Variants in GPT2 observed in about 807,000 individuals in gnomAD.
GPT2 encodes alanine aminotransferase 2.
Under a neutral mutation model 56.9 loss-of-function variants are expected in GPT2, and 30 were observed. The ratio of observed to expected loss-of-function variants is 0.53; its 90% CI spans 0.39 to 0.72. The LOEUF (loss-of-function observed/expected upper bound fraction) is 0.72, where lower values mean the gene tolerates loss of function less well. Among genes scored for constraint, GPT2 ranks in the 30% least tolerant of loss-of-function variants. GPT2 has a pLI of 0.00. For missense variants in GPT2, 542 were observed against 703.4 expected, an observed-to-expected ratio of 0.77 and a Z score of 2.60; for synonymous variants, 271 against 283.1, an observed-to-expected ratio of 0.96 and a Z score of 0.43.
At chr16:46,896,100 G>A (rs916338424) in intron 2 of GPT2, among the ~76,000 whole-genome samples, 7 of 152,146 alleles carry the variant, frequency 4.6e-5, no homozygotes, top group Non-Finnish European at 7.3e-5. Context: ...TTCCTGGGCC[G>A]GCTTTTGTAA....
intron 4 of GPT2, among the ~76,000 whole-genome samples, chr16:46,903,190 A>T (rs1960854832): frequency 6.6e-6 from 1 of 151,872 alleles, no homozygotes; most frequent in African/African-American, 2.4e-5. Flanking sequence ...TGGAGGTTGC[A>T]GTGAGCTGAG....
In GPT2 at chr16:46,909,930, C is replaced by T; in HGVS notation, c.820+3C>T. ...AATCAACCCTGGGAACCCCACAGGT[C>T]TGCACTTTACTTCCTCACCAGTTTC... On this transcript the variant is annotated splice_donor_region_variant and intron_variant, in intron 6 of 11. Coordinates refer to ENST00000340124, the MANE Select transcript of GPT2 (RefSeq NM_133443.4). 1.3e-6 allele frequency: 2 copies of T among 1,592,586 alleles called. No homozygotes were observed. Among genetic ancestry groups the T allele is most frequent in the Non-Finnish European group, 1.7e-6 (2 of 1,165,374 alleles).
chr16:46,898,716 A>C (rs1467741160), intron 3 of GPT2, among the ~76,000 whole-genome samples: 2 of 150,914 alleles, frequency 1.3e-5, no homozygotes, highest in Non-Finnish European at 3.0e-5. Flanking sequence ...CGCCTGGCTG[A>C]TTTTTGTATT....
At chr16:46,897,479 G>A (rs1423862410) in intron 2 of GPT2, among the ~76,000 whole-genome samples, 169 bp from the exon 3 acceptor site, 1 of 152,206 alleles carries the variant, frequency 6.6e-6, no homozygotes, top group Non-Finnish European at 1.5e-5. Context: ...TGGGGTGGCT[G>A]TGAAGGTTAA....
intron 2 of GPT2, among the ~76,000 whole-genome samples, chr16:46,889,340 C>T (rs1339095448): frequency 2.0e-5 from 3 of 147,334 alleles, no homozygotes; most frequent in Non-Finnish European, 4.5e-5. Flanking sequence ...TCACTGTGGC[C>T]TCAAATTCCT....
At chr16:46,923,377 G>A (rs1283769959) in intron 9 of GPT2, among the ~76,000 whole-genome samples, 1 of 152,220 alleles carries the variant, frequency 6.6e-6, no homozygotes, top group Non-Finnish European at 1.5e-5. Context: ...AGAATCACTT[G>A]AACCCAGGAG....
chr16:46,926,898 G>T, intron 10 of GPT2, 27 bp from the exon 11 acceptor site: 1 of 1,441,618 alleles, frequency 6.9e-7, no homozygotes, highest in South Asian at 1.4e-5. Context: ...AGCCAGGAAT[G>T]ATCATGAGCT....
intron 4 of GPT2, among the ~76,000 whole-genome samples, chr16:46,902,987 AC>A (rs1960848873): frequency 6.6e-6 from 1 of 152,014 alleles, no homozygotes; most frequent in African/African-American, 2.4e-5. Flanking sequence ...GGTGGCTCAC[AC>A]CTGTAATCCC....
intron 4 of GPT2, among the ~76,000 whole-genome samples, chr16:46,906,126 T>A (rs1960920002): frequency 6.6e-6 from 1 of 152,004 alleles, no homozygotes. Context: ...CAGGCTGGAG[T>A]GCAGTGGTGT....
At chr16:46,914,827 A>G (rs944711440) in intron 6 of GPT2, among the ~76,000 whole-genome samples, 2 of 152,300 alleles carry the variant, frequency 1.3e-5, no homozygotes, top group South Asian at 2.1e-4. Context: ...GCCACAGCCA[A>G]TGCGAGTCTC....
intron 5 of GPT2, among the ~76,000 whole-genome samples, chr16:46,909,475 G>A (rs947190521): frequency 6.6e-6 from 1 of 151,956 alleles, no homozygotes; most frequent in Non-Finnish European, 1.5e-5. Flanking sequence ...TTAACTACAC[G>A]TTCTGCACTG....
chr16:46,909,561 C>A, intron 5 of GPT2, 123 bp from the exon 6 acceptor site: 1 of 1,102,096 alleles, frequency 9.1e-7, no homozygotes, highest in Non-Finnish European at 1.3e-6. Flanking sequence ...GAAACTGAGA[C>A]TCGGGGAAGT....
At position 46,918,683 on chromosome 16, in the gene GPT2, C is replaced by T. The variant is rs772041886; in HGVS notation, c.963C>T (p.Tyr321=). Residue 321 remains tyrosine (Y), a synonymous_variant, in exon 8 of 12, where the codon TAC becomes TAT. Coordinates refer to ENST00000340124, the MANE Select transcript of GPT2 (RefSeq NM_133443.4). ...TCCACTCCTTCAAGAAGGTGCTGTA[C>T]GAGATGGGGCCCGAGTACTCCAGCA... ...CRFHSFKKVL[Y]EMGPEYSSNV... The T allele has an allele frequency of 3.3e-5, 53 of 1,614,062 alleles. No individual in the cohort carries two copies. The highest frequency in any genetic ancestry group is 3.3e-4 in the Middle Eastern group (2 of 6,084).
In GPT2 at chr16:46,916,750, C is replaced by T. The variant is rs774352040; in HGVS notation, c.900+43C>T. The stretch of plus-strand genomic sequence containing the variant: ...CAGAGGGAGTGGGCACTAGCTTTCT[C>T]TTCTAGAGGGAGGGACCCAGCCCCC... On this transcript the variant is annotated intron_variant, in intron 7 of 11. Transcript: ENST00000340124. 3 of 1,366,632 alleles carry T rather than the reference C, an allele frequency of 2.2e-6. No individual in the cohort carries two copies. In the South Asian group the frequency reaches 3.5e-5, roughly 16 times the overall value. The allele number at this position is 1,366,632 out of a possible 1,614,324, so 84.7% of individuals were successfully genotyped here. A position where few individuals can be genotyped will look rare whatever the true frequency, so the allele number is the denominator to read the frequency against.
At chr16:46,924,177 C>A in intron 9 of GPT2, 1 of 635,312 alleles carries the variant, frequency 1.6e-6, no homozygotes, top group Non-Finnish European at 2.9e-6. Context: ...AGGAACAGAC[C>A]ACCCCACCCA....
At chr16:46,898,981 TATATATATATAACACAC>T (rs1354818752) in intron 3 of GPT2, among the ~76,000 whole-genome samples, 10 of 139,574 alleles carry the variant, frequency 7.2e-5, no homozygotes, top group African/African-American at 2.7e-4. Context: ...CACACATATA[TATATATATATAACACAC>T]ATATATATAT....
chr16:46,904,300 C>G (rs1960878425), intron 4 of GPT2, among the ~76,000 whole-genome samples: 1 of 152,188 alleles, frequency 6.6e-6, no homozygotes, highest in African/African-American at 2.4e-5. Flanking sequence ...AATCCTAGCA[C>G]TTTGGGAGGC....
At position 46,898,067 on chromosome 16, in the gene GPT2, G is replaced by A. The variant is rs1428054001; in HGVS notation, c.333+330G>A. On this transcript the variant is annotated intron_variant, in intron 3 of 11. Transcript: ENST00000340124. ...AAGGCTGGCTGGGCTGGGAGGAGGC[G>A]TCGGGGGGCAGCAGGAGGTGTCATG... Among the ~76,000 whole-genome samples, 8 of 152,182 alleles carry A rather than the reference G, an allele frequency of 5.3e-5. No homozygotes were observed. In the East Asian group the frequency reaches 5.8e-4, roughly 11 times the overall value.
chr16:46,923,603 A>G (rs576204105), intron 9 of GPT2, among the ~76,000 whole-genome samples: 1 of 152,310 alleles, frequency 6.6e-6, no homozygotes, highest in African/African-American at 2.4e-5. Context: ...CAGGCCACAT[A>G]GTGCTTATGC....
Sources: gnomAD v4.1 joint callset for allele counts (sites outside exome capture counted in the v4.1 genomes callset) on GRCh38, gnomAD v4.1.1 for gene constraint, MANE v1.5 for transcripts, NCBI Gene and HGNC (gene_info 2026-07-23, HGNC 2026-07-21) for gene names.